NRP1: variants seen among roughly 807,000 people sequenced by gnomAD.
NRP1 encodes the protein neuropilin 1.
NRP1 carries 35 observed loss-of-function variants against 106.7 expected under a neutral mutation model. That is an observed-to-expected ratio of 0.33 (90% CI 0.25 to 0.43). The LOEUF is 0.43. Among genes scored for constraint, NRP1 ranks in the 20% least tolerant of loss-of-function variants. The pLI is 1.00. For synonymous variants in NRP1, 437 were observed against 417.9 expected (o/e 1.05, Z -0.56); for missense variants, 1,024 against 1,170.4 (o/e 0.87, Z 1.83).
At chr10:33,256,944 G>T (rs1213876039) in intron 4 of NRP1, among the ~76,000 whole-genome samples, 1 of 152,150 alleles carries the variant, frequency 6.6e-6, no homozygotes, top group African/African-American at 2.4e-5. Flanking sequence ...GGTCTGATCA[G>T]TCCCAGGGGT....
At chr10:33,193,522 C>T (rs1282462877) in intron 12 of NRP1, among the ~76,000 whole-genome samples, 1 of 152,154 alleles carries the variant, frequency 6.6e-6, no homozygotes, top group Non-Finnish European at 1.5e-5. Context: ...TTTAGGCAGT[C>T]CACGAGGTGG....
Position 33,213,293 on chromosome 10 carries a change from G to A in NRP1, c.1614+93C>T, listed in dbSNP as rs750754621. On this transcript the variant is annotated intron_variant, in intron 9 of 16. Coordinates refer to ENST00000374867, the MANE Select transcript of NRP1 (RefSeq NM_003873.7). Reference sequence around the variant, plus strand: ...CCTCCTCTAATGTCATGGCTGGAAGGAAATAAGAAGCCCTTCCTCGGGAGA... The same window carrying A: ...CCTCCTCTAATGTCATGGCTGGAAGAAAATAAGAAGCCCTTCCTCGGGAGA... 2.5e-5 allele frequency: 40 copies of A among 1,613,782 alleles called. No individual in the cohort carries two copies. The African/African-American group carries it at 4.9e-4, about 20-fold the overall frequency.
chr10:33,180,118 T>C lies in NRP1; in HGVS notation c.2730A>G (p.Lys910=). The part of the protein sequence containing the change: ...NFELVDGVKL[K]KDKLNTQSTY... ...TACTCTGTGTATTCAGTTTGTCTTT[T>C]TTCAACTTCACACCATCCACAAGTT... Residue 910 remains lysine, a synonymous_variant, in exon 17 of 17, where the codon AAA becomes AAG. Transcript: ENST00000374867. The C allele has an allele frequency of 6.2e-7, 1 of 1,614,182 alleles. No homozygotes were observed. The highest frequency in any genetic ancestry group is 8.5e-7 in the Non-Finnish European group (1 of 1,180,032).
intron 2 of NRP1, among the ~76,000 whole-genome samples, chr10:33,325,249 T>C (rs1847805515): frequency 6.6e-6 from 1 of 152,192 alleles, no homozygotes; most frequent in South Asian, 2.1e-4. Context: ...AAAAACTCAG[T>C]TTTCCATAAA....
chr10:33,332,326 G>A (rs1249237038), intron 1 of NRP1, among the ~76,000 whole-genome samples: 2 of 152,136 alleles, frequency 1.3e-5, no homozygotes, highest in African/African-American at 4.8e-5. Context: ...TGATCATGTT[G>A]GACTCTGTTA....
At chr10:33,263,412 T>G (rs1404036060) in intron 4 of NRP1, among the ~76,000 whole-genome samples, 1 of 152,208 alleles carries the variant, frequency 6.6e-6, no homozygotes, top group Admixed American at 6.5e-5. Context: ...TTTTGTAATC[T>G]TTCATGGCCT....
chr10:33,311,294 C>T (rs1254269068), intron 2 of NRP1, among the ~76,000 whole-genome samples: 3 of 152,158 alleles, frequency 2.0e-5, no homozygotes, highest in Non-Finnish European at 2.9e-5. Flanking sequence ...CCTCAGCCAA[C>T]AATTGCCTCT....
At chr10:33,308,972 G>A (rs1055423474) in intron 2 of NRP1, among the ~76,000 whole-genome samples, 2 of 152,018 alleles carry the variant, frequency 1.3e-5, no homozygotes, top group African/African-American at 4.8e-5. Flanking sequence ...TTAATTTATA[G>A]AAATGTTAGC....
chr10:33,224,959 C>T lies in NRP1; in HGVS notation c.1137+1175G>A, dbSNP rs116870345. Among the ~76,000 whole-genome samples the T allele has an allele frequency of 6.2e-4, 95 of 152,248 alleles. No homozygotes were observed. In the East Asian group the frequency reaches 0.015, roughly 24 times the overall value. On this transcript the variant is annotated intron_variant, in intron 7 of 16. Coordinates refer to ENST00000374867, the MANE Select transcript of NRP1 (RefSeq NM_003873.7). ...TTAGTGATTTTTTATTTCCTTGAAC[C>T]TAAAGTATGTCTTCAGAAATTTATT... is the stretch of plus-strand genomic sequence containing the variant.
chr10:33,319,488 A>C (rs1188740331), intron 2 of NRP1, among the ~76,000 whole-genome samples: 1 of 151,692 alleles, frequency 6.6e-6, no homozygotes, highest in Non-Finnish European at 1.5e-5. Context: ...GTCCCCTTCC[A>C]GGCTGTGGAA....
rs965887402 is a variant in NRP1, at chr10:33,215,324, T to C, written c.1283-1607A>G. On this transcript the variant is annotated intron_variant, in intron 8 of 16. Transcript: ENST00000374867. The stretch of plus-strand genomic sequence containing the variant: ...TCCCTTCTCAGAAATATGATGTAAG[T>C]AGCACAGAGCTCAGCATTCCACTGC... 5.8e-4 allele frequency among the ~76,000 whole-genome samples: 89 copies of C among 152,328 alleles called. 1 individual carries two copies. Among genetic ancestry groups the C allele is most frequent in the African/African-American group, 2.0e-3 (84 of 41,578 alleles).
intron 6 of NRP1, among the ~76,000 whole-genome samples, chr10:33,246,696 C>T (rs895338638): frequency 6.6e-6 from 1 of 152,104 alleles, no homozygotes; most frequent in Non-Finnish European, 1.5e-5. Context: ...CATCATTCCA[C>T]ATTTGGGTAA....
In NRP1 at chr10:33,202,584, A is replaced by T. The variant is rs1268850282; in HGVS notation, c.1864+307T>A. The T allele has an allele frequency of 2.9e-5, 25 of 876,968 alleles. 1 individual carries two copies. The highest frequency in any genetic ancestry group is 5.0e-5 in the Admixed American group (1 of 20,080). The allele number at this position is 876,968 out of a possible 1,614,324, so 54.3% of individuals were successfully genotyped here. On this transcript the variant is annotated intron_variant, in intron 11 of 16. Coordinates refer to ENST00000374867, the MANE Select transcript of NRP1 (RefSeq NM_003873.7). ...CGTGTTATTGGGGGGGGGTCTGAAA[A>T]TAATGAAAATAAGGATCGGTTTAGT...
chr10:33,292,935 G>C (rs1157696318), intron 2 of NRP1, among the ~76,000 whole-genome samples: 2 of 151,196 alleles, frequency 1.3e-5, no homozygotes, highest in Non-Finnish European at 2.9e-5. Flanking sequence ...GCAGTGAGCC[G>C]AGATCGTGCC....
intron 13 of NRP1, among the ~76,000 whole-genome samples, chr10:33,191,450 C>T (rs76528694): frequency 0.016 from 2,478 of 152,208 alleles, 61 homozygotes; most frequent in African/African-American, 0.056. Flanking sequence ...CTTCAAGGGT[C>T]GGGAGAGAGC....
At chr10:33,290,122 C>T (rs1002012862) in intron 2 of NRP1, among the ~76,000 whole-genome samples, 4 of 152,132 alleles carry the variant, frequency 2.6e-5, no homozygotes, top group African/African-American at 9.7e-5. Flanking sequence ...AGTCCTGCAG[C>T]CACTTTGCAA....
At chr10:33,291,846 C>T (rs1845016401) in intron 2 of NRP1, among the ~76,000 whole-genome samples, 1 of 152,142 alleles carries the variant, frequency 6.6e-6, no homozygotes, top group Admixed American at 6.5e-5. Flanking sequence ...GAAGCTAAGG[C>T]TCTAAGAGAT....
chr10:33,207,650 A>T lies in NRP1; in HGVS notation c.1681T>A (p.Phe561Ile), dbSNP rs376983601. 3 of 1,614,052 alleles carry T rather than the reference A, an allele frequency of 1.9e-6. No individual in the cohort carries two copies. The highest frequency in any genetic ancestry group is 1.7e-5 in the Admixed American group (1 of 60,012). Reference sequence around the variant, plus strand: ...GCTCTCTCGGGGTAGATCCTGATGAATCGCGTGGAGAGAGCTGGAAAAGTC... The same window carrying T: ...GCTCTCTCGGGGTAGATCCTGATGATTCGCGTGGAGAGAGCTGGAAAAGTC... ...LRTFPALSTR[F>I]IRIYPERATH... The change falls in exon 10 of 17, where the codon TTC (phenylalanine) becomes ATC (isoleucine). Residue 561 changes from phenylalanine to isoleucine, a missense_variant. By Grantham distance (21) the Phe-to-Ile change is conservative (BLOSUM62 0). Transcript: ENST00000374867.
At chr10:33,232,202 C>A (rs1184675376) in intron 6 of NRP1, among the ~76,000 whole-genome samples, 1 of 152,106 alleles carries the variant, frequency 6.6e-6, no homozygotes, top group Non-Finnish European at 1.5e-5. Flanking sequence ...CAATGCCACC[C>A]CTCTATGTTT....
Sources: allele counts gnomAD v4.1 joint callset (sites outside exome capture counted in the v4.1 genomes callset), GRCh38; gene constraint gnomAD v4.1.1; transcripts MANE v1.5; gene names NCBI Gene and HGNC (gene_info 2026-07-23, HGNC 2026-07-21).